The following POLK variants were observed in gnomAD, a reference collection of about 807,000 sequenced individuals.
POLK encodes the protein polymerase (DNA directed) kappa.
In POLK, 76 loss-of-function variants were observed where a neutral mutation model predicts 94.0. The ratio of observed to expected loss-of-function variants is 0.81; its 90% confidence interval spans 0.67 to 0.98. The LOEUF is 0.98. Ranked by LOEUF, POLK falls within the 50% of genes least tolerant of loss-of-function variation. The probability of loss-of-function intolerance (pLI) is 0.00; values close to 1 mark genes in which losing one functional copy is unlikely to be tolerated. For synonymous variants in POLK, 349 were observed against 325.4 expected (o/e 1.07, Z -0.78); for missense variants, 954 against 1,010.1 (o/e 0.94, Z 0.75).
At chr5:75,567,913 T>C (rs1293857436) in intron 3 of POLK, among the ~76,000 whole-genome samples, 1 of 152,176 alleles carries the variant, frequency 6.6e-6, no homozygotes, top group Non-Finnish European at 1.5e-5. Flanking sequence ...GTACCTCCTG[T>C]AGACAAACAT....
At chr5:75,529,432 T>C (rs959181831) in intron 1 of POLK, among the ~76,000 whole-genome samples, 2 of 151,970 alleles carry the variant, frequency 1.3e-5, no homozygotes, top group African/African-American at 4.8e-5. Context: ...CACTCCAACA[T>C]TGGGGATCAC....
chr5:75,555,495 GTTCA>G lies in POLK; in HGVS notation c.255+2907_255+2910del, dbSNP rs1490795427. On this transcript the variant is annotated intron_variant, in intron 3 of 14. Coordinates refer to ENST00000241436, the Ensembl canonical transcript of POLK. Reference sequence around the variant, plus strand: ...CTTCATGTCTTTTCATGGCTTAATAGTTCATTTATTTTATGTACTGAATATTATT... The same window carrying G: ...CTTCATGTCTTTTCATGGCTTAATAGTTTATTTTATGTACTGAATATTATT... Among the ~76,000 whole-genome samples the G allele has an allele frequency of 4.0e-5, 6 of 151,456 alleles. No individual in the cohort carries two copies. In the East Asian group the frequency reaches 1.2e-3, roughly 29 times the overall value.
At chr5:75,536,094 T>C (rs979329691) in intron 1 of POLK, among the ~76,000 whole-genome samples, 1 of 152,174 alleles carries the variant, frequency 6.6e-6, no homozygotes, top group Non-Finnish European at 1.5e-5. Flanking sequence ...CAGTTTTTGA[T>C]GTTGCTGTCC....
chr5:75,524,124 G>A (rs1436009986), intron 1 of POLK, among the ~76,000 whole-genome samples: 5 of 149,676 alleles, frequency 3.3e-5, no homozygotes, highest in Non-Finnish European at 4.4e-5. Context: ...GTGAGACTCC[G>A]TCTCAAAAAA....
intron 1 of POLK, among the ~76,000 whole-genome samples, chr5:75,519,924 G>A (rs1449329051): frequency 6.6e-6 from 1 of 152,104 alleles, no homozygotes; most frequent in African/African-American, 2.4e-5. Context: ...TTTATTGCAT[G>A]TTTTGTGGTT....
chr5:75,549,416 C>G (rs977993596), intron 2 of POLK, among the ~76,000 whole-genome samples: 1 of 151,798 alleles, frequency 6.6e-6, no homozygotes, highest in African/African-American at 2.4e-5. Flanking sequence ...TTATAATAAG[C>G]CTTGATATCT....
chr5:75,554,474 A>G (rs1403685225), intron 3 of POLK, among the ~76,000 whole-genome samples: 2 of 152,000 alleles, frequency 1.3e-5, no homozygotes, highest in Admixed American at 6.6e-5. Context: ...GATTATATAT[A>G]TATATATCTT....
chr5:75,579,077 T>G (rs1425053156), intron 6 of POLK, among the ~76,000 whole-genome samples: 1 of 152,212 alleles, frequency 6.6e-6, no homozygotes, highest in Non-Finnish European at 1.5e-5. Context: ...ATTGAAAAGG[T>G]ACCTGAACAT....
At chr5:75,520,437 G>A (rs553358235) in intron 1 of POLK, among the ~76,000 whole-genome samples, 3 of 152,170 alleles carry the variant, frequency 2.0e-5, no homozygotes, top group South Asian at 2.1e-4. Context: ...CCTTGTCACC[G>A]AGGTTGGAGT....
intron 7 of POLK, chr5:75,582,114 C>G (rs377496261): frequency 1.0e-6 from 1 of 987,062 alleles, no homozygotes; most frequent in Non-Finnish European, 1.2e-6. Context: ...AGAACCCAGA[C>G]GGCCACAAGG....
intron 1 of POLK, among the ~76,000 whole-genome samples, chr5:75,523,937 CTGGCCAACA>C (rs2112545342): frequency 6.6e-6 from 1 of 152,134 alleles, no homozygotes; most frequent in Admixed American, 6.5e-5. Context: ...CAAGACCAGC[CTGGCCAACA>C]TGGTGAAACC....
chr5:75,521,347 G>GT (rs1245094868), intron 1 of POLK, among the ~76,000 whole-genome samples: 1 of 151,400 alleles, frequency 6.6e-6, no homozygotes, highest in African/African-American at 2.4e-5. Flanking sequence ...CTTACTGATT[G>GT]TTTTTTTCTG....
At chr5:75,550,280 A>G (rs1033659903) in intron 2 of POLK, among the ~76,000 whole-genome samples, 2 of 152,154 alleles carry the variant, frequency 1.3e-5, no homozygotes, top group South Asian at 4.1e-4. Flanking sequence ...TTAGGAAAGC[A>G]AGGTTGGTTT....
intron 4 of POLK, among the ~76,000 whole-genome samples, chr5:75,573,015 A>G (rs1446813568): frequency 6.6e-6 from 1 of 152,218 alleles, no homozygotes; most frequent in Non-Finnish European, 1.5e-5. Flanking sequence ...ATTACTGGGT[A>G]TATACCCAAA....
chr5:75,547,038 G>A, exon 2 of POLK: 2 of 1,525,188 alleles, frequency 1.3e-6, no homozygotes, highest in South Asian at 1.2e-5. Flanking sequence ...TAGCACAAAG[G>A]AGAAGTGTGA....
At chr5:75,607,157 T>C in the POLK span, among the ~76,000 whole-genome samples, 1 of 152,120 alleles carries the variant, frequency 6.6e-6, no homozygotes, top group Non-Finnish European at 1.5e-5. Context: ...GACTGAGTTT[T>C]GACTAATGGG....
At chr5:75,579,520 G>C (rs539607904) in intron 6 of POLK, among the ~76,000 whole-genome samples, 8 of 151,342 alleles carry the variant, frequency 5.3e-5, no homozygotes, top group Non-Finnish European at 1.2e-4. Flanking sequence ...ACCATTCCTG[G>C]CTCATTTTTG....
At chr5:75,524,987 C>G (rs1456345745) in intron 1 of POLK, among the ~76,000 whole-genome samples, 1 of 152,212 alleles carries the variant, frequency 6.6e-6, no homozygotes, top group African/African-American at 2.4e-5. Flanking sequence ...CTGAGTCTCT[C>G]TCCTTACCAG....
At chr5:75,548,635 A>G (rs1240557245) in intron 2 of POLK, among the ~76,000 whole-genome samples, 1 of 151,848 alleles carries the variant, frequency 6.6e-6, no homozygotes, top group African/African-American at 2.4e-5. Flanking sequence ...AAACTTTAAG[A>G]GAATATCCTT....
Sources: gnomAD v4.1 joint callset for allele counts (sites outside exome capture counted in the v4.1 genomes callset) on GRCh38, gnomAD v4.1.1 for gene constraint, MANE v1.5 for transcripts, NCBI Gene and HGNC (gene_info 2026-07-23, HGNC 2026-07-21) for gene names.